The following RBFOX1 variants were observed in gnomAD, a reference collection of about 807,000 sequenced individuals.
RBFOX1 encodes the protein RNA binding protein fox-1 homolog 1.
A neutral mutation model predicts 57.7 loss-of-function variants in RBFOX1; 8 were observed. That is an observed-to-expected ratio of 0.14 (90% CI 0.08 to 0.25). The LOEUF (loss-of-function observed/expected upper bound fraction) is 0.25. RBFOX1 is among the 10% of genes least tolerant of loss of function. RBFOX1 has a pLI of 1.00. For synonymous variants in RBFOX1, 326 were observed against 222.4 expected (o/e 1.47, Z -4.15); for missense variants, 611 against 548.5 (o/e 1.11, Z -1.14).
chr16:7,422,707 G>A (rs138708985), intron 4 of RBFOX1: 1 of 152,262 alleles, frequency 6.6e-6, no homozygotes, highest in South Asian at 2.1e-4. Flanking sequence ...AGTGAGGAGA[G>A]GCGGCCAATA....
At chr16:5,296,678 C>G (rs549710053) in intron 1 of RBFOX1, among the ~76,000 whole-genome samples, 46 of 150,204 alleles carry the variant, frequency 3.1e-4, no homozygotes, top group African/African-American at 1.0e-3. Flanking sequence ...TTTCTCTGAG[C>G]TAAACTTTTT....
At chr16:5,786,666 C>T (rs9929536) in intron 3 of RBFOX1, among the ~76,000 whole-genome samples, 38,297 of 152,088 alleles carry the variant, frequency 0.25, 5,643 homozygotes, top group East Asian at 0.55. Flanking sequence ...TCATCCCAAA[C>T]CTGGACATCA....
intron 2 of RBFOX1, among the ~76,000 whole-genome samples, chr16:6,557,031 ATACACAT>A (rs1314641156): frequency 1.6e-5 from 2 of 124,444 alleles, no homozygotes; most frequent in African/African-American, 8.8e-5. Context: ...ATATACATAT[ATACACAT>A]ATATATACAT....
chr16:5,813,451 C>G (rs7192464), intron 3 of RBFOX1, among the ~76,000 whole-genome samples: 93,739 of 151,994 alleles, frequency 0.62, 29,592 homozygotes, highest in South Asian at 0.71. Context: ...TGTGGTCTAT[C>G]TATACAATGG....
intron 1 of RBFOX1, among the ~76,000 whole-genome samples, chr16:5,309,546 G>A (rs1324895946): frequency 6.6e-6 from 1 of 152,078 alleles, no homozygotes; most frequent in Non-Finnish European, 1.5e-5. Context: ...GGGTACAAGT[G>A]CCATTTTGTT....
At chr16:5,760,242 A>G (rs922141226) in intron 3 of RBFOX1, among the ~76,000 whole-genome samples, 2 of 152,250 alleles carry the variant, frequency 1.3e-5, no homozygotes, top group South Asian at 2.1e-4. Context: ...TCCCAGGCAA[A>G]CAGAGACAGT....
intron 3 of RBFOX1, among the ~76,000 whole-genome samples, chr16:6,850,424 G>C (rs1274702363): frequency 6.6e-6 from 1 of 152,112 alleles, no homozygotes; most frequent in Non-Finnish European, 1.5e-5. Flanking sequence ...TGATGTTCAA[G>C]CTGAGGGGTA....
intron 3 of RBFOX1, among the ~76,000 whole-genome samples, chr16:6,990,770 G>A (rs879843693): frequency 2.0e-5 from 3 of 152,088 alleles, no homozygotes; most frequent in Non-Finnish European, 4.4e-5. Context: ...TCCATCTCAG[G>A]ATAGTTCGAG....
At chr16:6,486,540 G>C (rs534732320) in intron 2 of RBFOX1, among the ~76,000 whole-genome samples, 1 of 152,144 alleles carries the variant, frequency 6.6e-6, no homozygotes, top group African/African-American at 2.4e-5. Flanking sequence ...GTAAGTTCTT[G>C]GAAAGTAATT....
intron 4 of RBFOX1, among the ~76,000 whole-genome samples, chr16:7,386,867 C>G (rs1180280934): frequency 6.6e-6 from 1 of 152,192 alleles, no homozygotes. Context: ...GTTCCTATTT[C>G]TCCACATCCT....
chr16:6,453,700 C>G (rs1312517478), intron 2 of RBFOX1, among the ~76,000 whole-genome samples: 2 of 152,196 alleles, frequency 1.3e-5, no homozygotes, highest in East Asian at 1.9e-4. Flanking sequence ...CCCTGACTTT[C>G]TAAGCTTATT....
At chr16:6,730,615 T>G (rs7201359) in intron 3 of RBFOX1, among the ~76,000 whole-genome samples, 137,908 of 152,238 alleles carry the variant, frequency 0.91, 64,087 homozygotes, top group East Asian at 1. Flanking sequence ...GATAGTGATA[T>G]CATTGTTTAA....
chr16:7,050,774 C>T (rs901404310), intron 3 of RBFOX1, among the ~76,000 whole-genome samples: 1 of 152,006 alleles, frequency 6.6e-6, no homozygotes, highest in Admixed American at 6.6e-5. Flanking sequence ...TTTCCATTAT[C>T]ACACATAATG....
At chr16:7,617,484 C>T (rs1190709920) in intron 10 of RBFOX1, among the ~76,000 whole-genome samples, 1 of 152,074 alleles carries the variant, frequency 6.6e-6, no homozygotes, top group African/African-American at 2.4e-5. Flanking sequence ...GGTAATAAAG[C>T]CACCAGTTTA....
chr16:7,682,275 G>GA (rs981432392), intron 14 of RBFOX1, among the ~76,000 whole-genome samples: 17 of 152,040 alleles, frequency 1.1e-4, no homozygotes, highest in African/African-American at 3.6e-4. Flanking sequence ...AAATCTGTTG[G>GA]AAAAATATAG....
At chr16:7,148,018 A>T (rs1305361914) in intron 4 of RBFOX1, among the ~76,000 whole-genome samples, 1 of 152,188 alleles carries the variant, frequency 6.6e-6, no homozygotes, top group Non-Finnish European at 1.5e-5. Context: ...AAGAGCTGCC[A>T]CTTCAAGATC....
chr16:5,929,130 T>C (rs530114510), intron 4 of RBFOX1, among the ~76,000 whole-genome samples: 56 of 151,812 alleles, frequency 3.7e-4, no homozygotes, highest in Non-Finnish European at 6.8e-4. Context: ...GACAGAGACA[T>C]TGCTTTGGAT....
intron 3 of RBFOX1, among the ~76,000 whole-genome samples, chr16:6,990,628 G>A (rs1210035520): frequency 1.3e-5 from 2 of 152,086 alleles, no homozygotes; most frequent in African/African-American, 4.8e-5. Context: ...TTACATTGGT[G>A]CAAAAGTAAT....
chr16:5,945,607 C>G (rs528487896), intron 4 of RBFOX1, among the ~76,000 whole-genome samples: 1 of 152,244 alleles, frequency 6.6e-6, no homozygotes, highest in African/African-American at 2.4e-5. Context: ...AGATTAATAA[C>G]TCCTAGGTTC....
Sources: gnomAD v4.1 joint callset for allele counts (sites outside exome capture counted in the v4.1 genomes callset) on GRCh38, gnomAD v4.1.1 for gene constraint, MANE v1.5 for transcripts, NCBI Gene and HGNC (gene_info 2026-07-23, HGNC 2026-07-21) for gene names.